DPP10: variants seen among roughly 807,000 people sequenced by gnomAD.
DPP10 encodes the protein inactive dipeptidyl peptidase 10.
Under a neutral mutation model 120.9 loss-of-function variants are expected in DPP10, and 33 were observed. That is an observed-to-expected ratio of 0.27 (90% confidence interval 0.21 to 0.37). The LOEUF is 0.37. Among genes scored for constraint, DPP10 ranks in the 10% least tolerant of loss-of-function variants. DPP10 has a pLI of 1.00. For missense variants in DPP10, 816 were observed against 942.8 expected, an observed-to-expected ratio of 0.87 and a Z score of 1.76; for synonymous variants, 337 against 326.1, an observed-to-expected ratio of 1.03 and a Z score of -0.36.
intron 1 of DPP10, among the ~76,000 whole-genome samples, chr2:114,534,942 T>G (rs1266383385): frequency 1.3e-5 from 2 of 152,162 alleles, no homozygotes; most frequent in Admixed American, 6.5e-5. Context: ...TGGTGTAACT[T>G]GTGTTGGTTT....
rs748549220 is a variant in DPP10, at chr2:114,883,950, C to T, written c.61-425289C>T. ...CCAAGAATTTTCAAACTTCTGTGTA[C>T]AGAATGGTTGCTAATGGGAGAAATT... On this transcript the variant is annotated intron_variant, in intron 1 of 25. Transcript: ENST00000410059. Among the ~76,000 whole-genome samples the T allele has an allele frequency of 4.1e-4, 63 of 152,194 alleles. 1 individual carries two copies. Among genetic ancestry groups the T allele is most frequent in the Admixed American group, 2.2e-3 (33 of 15,280 alleles).
intron 21 of DPP10, among the ~76,000 whole-genome samples, chr2:115,829,495 C>T (rs1454243042): frequency 2.0e-5 from 3 of 151,920 alleles, no homozygotes; most frequent in Non-Finnish European, 4.4e-5. Flanking sequence ...CTTGGCTCAC[C>T]TGTTCTATTA....
chr2:114,483,043 C>T (rs150900831), intron 1 of DPP10, among the ~76,000 whole-genome samples: 4 of 152,186 alleles, frequency 2.6e-5, no homozygotes, highest in South Asian at 2.1e-4. Context: ...TGTTTGGACT[C>T]GTTTTTCCAT....
chr2:115,389,818 T>C (rs1465267755), intron 3 of DPP10, among the ~76,000 whole-genome samples: 1 of 26,398 alleles, frequency 3.8e-5, no homozygotes, highest in Non-Finnish European at 7.0e-5. Context: ...ATTACTTATT[T>C]GGTAAATATA....
chr2:115,316,317 T>A, intron 2 of DPP10, among the ~76,000 whole-genome samples: 1 of 152,212 alleles, frequency 6.6e-6, no homozygotes, highest in East Asian at 1.9e-4. Context: ...TGTGTCATAA[T>A]CCTTGTAATA....
chr2:114,753,398 G>T (rs1387026148), intron 1 of DPP10, among the ~76,000 whole-genome samples: 1 of 152,132 alleles, frequency 6.6e-6, no homozygotes, highest in Non-Finnish European at 1.5e-5. Context: ...GAGCCTTAGT[G>T]TTATGCCTAC....
intron 1 of DPP10, among the ~76,000 whole-genome samples, chr2:114,633,248 CTTTTTTTTTTTTTT>C (rs35372708): frequency 5.8e-4 from 42 of 72,816 alleles, no homozygotes; most frequent in African/African-American, 2.6e-3. Flanking sequence ...GTTTTTCTTT[CTTTTTTTTTTTTTT>C]TTTTTTTTTG....
intron 1 of DPP10, among the ~76,000 whole-genome samples, chr2:115,260,905 G>A (rs1287356624): frequency 1.3e-5 from 2 of 152,128 alleles, no homozygotes; most frequent in Admixed American, 6.5e-5. Context: ...AGGGAGTTGG[G>A]GCGTGCTGTA....
chr2:115,557,026 C>T (rs2080257120), intron 5 of DPP10, among the ~76,000 whole-genome samples: 1 of 152,146 alleles, frequency 6.6e-6, no homozygotes, highest in Non-Finnish European at 1.5e-5. Context: ...TCCATTTCTG[C>T]TGGCTAAATC....
At chr2:115,001,449 T>A (rs766682310) in intron 1 of DPP10, among the ~76,000 whole-genome samples, 12 of 152,136 alleles carry the variant, frequency 7.9e-5, no homozygotes, top group African/African-American at 2.4e-4. Context: ...TCATTCTGAA[T>A]GGGCAAAAGC....
At chr2:114,815,882 GTTT>G (rs3036391) in intron 1 of DPP10, among the ~76,000 whole-genome samples, 1,578 of 144,116 alleles carry the variant, frequency 0.011, 27 homozygotes, top group African/African-American at 0.033. Context: ...AATTTTCTTA[GTTT>G]TTTTTTTTTT....
At chr2:115,670,983 G>T (rs11676361) in intron 5 of DPP10, among the ~76,000 whole-genome samples, 35 of 152,098 alleles carry the variant, frequency 2.3e-4, no homozygotes, top group Non-Finnish European at 4.6e-4. Context: ...GAGAAATAAA[G>T]AATATTCCTG....
intron 1 of DPP10, among the ~76,000 whole-genome samples, chr2:114,634,939 A>G (rs944938079): frequency 5.9e-5 from 9 of 152,014 alleles, no homozygotes; most frequent in Middle Eastern, 3.4e-3. Flanking sequence ...CCTGGGTTTG[A>G]TAATTTATGG....
chr2:114,452,138 A>G (rs1350136293), intron 1 of DPP10, among the ~76,000 whole-genome samples: 2 of 152,174 alleles, frequency 1.3e-5, no homozygotes, highest in Admixed American at 6.6e-5. Flanking sequence ...TATACTGACC[A>G]TCATTCTCTT....
intron 1 of DPP10, among the ~76,000 whole-genome samples, chr2:114,463,990 T>C (rs1235946810): frequency 2.6e-5 from 4 of 152,274 alleles, no homozygotes; most frequent in African/African-American, 7.2e-5. Flanking sequence ...TTCTACTTTA[T>C]TGCTAAGTAA....
chr2:115,004,359 G>A (rs1221180945), intron 1 of DPP10, among the ~76,000 whole-genome samples: 1 of 152,222 alleles, frequency 6.6e-6, no homozygotes, highest in Non-Finnish European at 1.5e-5. Flanking sequence ...TATCTAGGGG[G>A]AGGAGCCAAG....
At chr2:114,849,608 T>C (rs547293709) in intron 1 of DPP10, among the ~76,000 whole-genome samples, 1 of 152,268 alleles carries the variant, frequency 6.6e-6, no homozygotes, top group Admixed American at 6.5e-5. Context: ...CACTTTGGCG[T>C]CCCAAAGTGC....
intron 5 of DPP10, among the ~76,000 whole-genome samples, chr2:115,644,941 A>G (rs1049815831): frequency 5.3e-5 from 8 of 152,198 alleles, no homozygotes; most frequent in African/African-American, 1.4e-4. Flanking sequence ...GCCTAACAAC[A>G]TAATTGGATT....
At chr2:115,599,409 C>G (rs2083185768) in intron 5 of DPP10, among the ~76,000 whole-genome samples, 1 of 152,114 alleles carries the variant, frequency 6.6e-6, no homozygotes, top group African/African-American at 2.4e-5. Flanking sequence ...AATTTATTGA[C>G]AGATTTTCAA....
Sources: allele counts gnomAD v4.1 joint callset (sites outside exome capture counted in the v4.1 genomes callset), GRCh38; gene constraint gnomAD v4.1.1; transcripts MANE v1.5; gene names NCBI Gene and HGNC (gene_info 2026-07-23, HGNC 2026-07-21).